SEMA3D: variants seen among roughly 807,000 people sequenced by gnomAD.
The protein encoded by SEMA3D is semaphorin 3D.
In SEMA3D, 84 loss-of-function variants were observed where a neutral mutation model predicts 100.1. The ratio of observed to expected loss-of-function variants is 0.84; its 90% confidence interval spans 0.70 to 1.01. SEMA3D has a LOEUF of 1.01. SEMA3D is among the 50% of genes least tolerant of loss of function. SEMA3D has a pLI of 0.00. For synonymous variants in SEMA3D, 312 were observed against 320.7 expected, an observed-to-expected ratio of 0.97 and a Z score of 0.29; for missense variants, 875 against 934.1, an observed-to-expected ratio of 0.94 and a Z score of 0.82.
At position 84,998,767 on chromosome 7, in the gene SEMA3D, A is replaced by G. The variant is rs758205889; in HGVS notation, c.*673T>C. On this transcript the variant is annotated 3_prime_UTR_variant, in exon 19 of 19. Coordinates refer to ENST00000284136, the MANE Select transcript of SEMA3D (RefSeq NM_001384900.1). ...CTAAAAAACACATAACTAAGCACCAACTTCTCTCTGTGAACCTGTTACTCC... is the reference window on the plus strand; with the variant it reads ...CTAAAAAACACATAACTAAGCACCAGCTTCTCTCTGTGAACCTGTTACTCC... The G allele has an allele frequency of 6.6e-6, 1 of 152,480 alleles. No individual in the cohort carries two copies. Among genetic ancestry groups the G allele is most frequent in the Non-Finnish European group, 1.5e-5 (1 of 68,188 alleles). The allele number at this position is 152,480 out of a possible 1,614,324, so 9.4% of individuals were successfully genotyped here. A position where few individuals can be genotyped will look rare whatever the true frequency, so the allele number is the denominator to read the frequency against.
At chr7:85,193,663 CA>C in the SEMA3D span, among the ~76,000 whole-genome samples, 2 of 151,978 alleles carry the variant, frequency 1.3e-5, no homozygotes, top group African/African-American at 4.8e-5. Flanking sequence ...GGAAACAAAA[CA>C]AAACAAAACT....
At chr7:85,071,291 T>C (rs1791766748) in intron 6 of SEMA3D, among the ~76,000 whole-genome samples, 1 of 152,168 alleles carries the variant, frequency 6.6e-6, no homozygotes, top group Non-Finnish European at 1.5e-5. Context: ...CCAAGTCTCC[T>C]AGTGGCTCAG....
chr7:85,211,021 T>G, the SEMA3D span, among the ~76,000 whole-genome samples: 5 of 152,010 alleles, frequency 3.3e-5, no homozygotes, highest in African/African-American at 9.7e-5. Context: ...ATGATTAAGT[T>G]GGGGAGACAG....
chr7:85,149,064 C>A (rs1435304396), intron 2 of SEMA3D, among the ~76,000 whole-genome samples: 1 of 151,804 alleles, frequency 6.6e-6, no homozygotes, highest in Non-Finnish European at 1.5e-5. Flanking sequence ...TAACAGGAAA[C>A]ACAAAATAAC....
chr7:85,215,929 T>C, the SEMA3D span, among the ~76,000 whole-genome samples: 1 of 152,110 alleles, frequency 6.6e-6, no homozygotes, highest in Admixed American at 6.6e-5. Flanking sequence ...AATGAGAAAT[T>C]TAAAACAATT....
chr7:85,249,691 T>C, the SEMA3D span, among the ~76,000 whole-genome samples: 2 of 152,220 alleles, frequency 1.3e-5, no homozygotes, highest in Non-Finnish European at 2.9e-5. Flanking sequence ...GTGGTGTTAA[T>C]CAGAACCTGA....
At chr7:85,046,686 T>C (rs1290276159) in intron 9 of SEMA3D, among the ~76,000 whole-genome samples, 2 of 152,020 alleles carry the variant, frequency 1.3e-5, no homozygotes, top group South Asian at 2.1e-4. Flanking sequence ...GTATTTCTCC[T>C]GTAGGGAAAT....
chr7:85,049,186 C>G (rs1333879619), intron 9 of SEMA3D, among the ~76,000 whole-genome samples: 1 of 151,180 alleles, frequency 6.6e-6, no homozygotes, highest in African/African-American at 2.4e-5. Flanking sequence ...AAAAGAACAA[C>G]AAAAACTTTT....
At chr7:85,042,341 C>A in intron 9 of SEMA3D, 56 bp from the exon 10 acceptor site, 1 of 1,256,510 alleles carries the variant, frequency 8.0e-7, no homozygotes, top group Non-Finnish European at 1.2e-6. Flanking sequence ...CTACCACTCA[C>A]TAAAACTGGT....
chr7:85,169,186 C>T (rs1231528917), intron 1 of SEMA3D, among the ~76,000 whole-genome samples: 22 of 151,656 alleles, frequency 1.5e-4, no homozygotes, highest in Admixed American at 1.4e-3. Context: ...GGCTTATACT[C>T]CAATTATGTC....
the SEMA3D span, among the ~76,000 whole-genome samples, chr7:85,232,456 G>C: frequency 1.3e-5 from 2 of 152,188 alleles, no homozygotes; most frequent in Non-Finnish European, 2.9e-5. Flanking sequence ...AAAAAAGGTG[G>C]TGGCAGTGTA....
At chr7:85,028,288 C>T in intron 12 of SEMA3D, 1 of 701,004 alleles carries the variant, frequency 1.4e-6, no homozygotes, top group Non-Finnish European at 2.6e-6. Flanking sequence ...TGACTCTCAG[C>T]ATCAGGGCTA....
chr7:85,249,397 T>C, the SEMA3D span, among the ~76,000 whole-genome samples: 1 of 152,002 alleles, frequency 6.6e-6, no homozygotes, highest in African/African-American at 2.4e-5. Context: ...GATCCTGGAA[T>C]AGAAAAAAGG....
At chr7:85,080,567 T>C (rs1788026887) in intron 5 of SEMA3D, among the ~76,000 whole-genome samples, 1 of 152,144 alleles carries the variant, frequency 6.6e-6, no homozygotes, top group Admixed American at 6.5e-5. Context: ...TCAAGATGTC[T>C]ATGTTTCTGC....
intron 1 of SEMA3D, chr7:85,181,875 A>T: frequency 3.3e-6 from 1 of 301,334 alleles, no homozygotes; most frequent in South Asian, 1.3e-4. Flanking sequence ...ATAATGATGG[A>T]TTGAAAATCA....
intron 9 of SEMA3D, among the ~76,000 whole-genome samples, chr7:85,055,270 A>T (rs1791276285): frequency 6.6e-6 from 1 of 152,114 alleles, no homozygotes; most frequent in Admixed American, 6.6e-5. Context: ...GGATTACGTT[A>T]AGTTACTTTC....
At chr7:85,208,446 T>A in the SEMA3D span, among the ~76,000 whole-genome samples, 1 of 152,110 alleles carries the variant, frequency 6.6e-6, no homozygotes, top group Non-Finnish European at 1.5e-5. Context: ...ATTTGATTTT[T>A]AGCAAAATAA....
chr7:85,058,731 G>C (rs925757091), intron 8 of SEMA3D, among the ~76,000 whole-genome samples: 7 of 126,000 alleles, frequency 5.6e-5, no homozygotes, highest in Non-Finnish European at 7.9e-5. Context: ...CTGGGCGACA[G>C]AGCGAGACTC....
chr7:85,181,126 TA>T (rs552852323), intron 1 of SEMA3D, among the ~76,000 whole-genome samples: 79 of 152,322 alleles, frequency 5.2e-4, no homozygotes, highest in African/African-American at 1.9e-3. Context: ...TGACCTTGAT[TA>T]CCTGGCTAAG....
Sources: gnomAD v4.1 joint callset for allele counts (sites outside exome capture counted in the v4.1 genomes callset) on GRCh38, gnomAD v4.1.1 for gene constraint, MANE v1.5 for transcripts, NCBI Gene and HGNC (gene_info 2026-07-23, HGNC 2026-07-21) for gene names.